MPP7: variants seen among roughly 807,000 people sequenced by gnomAD.
MPP7 encodes MAGUK p55 subfamily member 7.
MPP7 carries 60 observed loss-of-function variants against 76.5 expected under a neutral mutation model. The ratio of observed to expected loss-of-function variants is 0.78; its 90% CI spans 0.64 to 0.97. The LOEUF is 0.97. Among genes scored for constraint, MPP7 ranks in the 50% least tolerant of loss-of-function variants. The pLI is 0.00. For synonymous variants in MPP7, 237 were observed against 244.5 expected (o/e 0.97, Z 0.29); for missense variants, 641 against 694.0 (o/e 0.92, Z 0.86).
rs202183361 is a variant in MPP7, at chr10:28,074,408, A to T, written c.1124-4556T>A. Among the ~76,000 whole-genome samples the T allele has an allele frequency of 1.7e-4, 26 of 151,980 alleles. No homozygotes were observed. In the East Asian group the frequency reaches 5.0e-3, roughly 29 times the overall value. On this transcript the variant is annotated intron_variant, in intron 12 of 16. Transcript: ENST00000683449. ...CGCTTCCTGGGTTCAAGCAATTCTC[A>T]TGCCTCAGGCTCTTGAGTAGCTGGG...
chr10:28,321,479 T>C (rs1449930017), intron 2 of MPP7, among the ~76,000 whole-genome samples: 1 of 152,238 alleles, frequency 6.6e-6, no homozygotes, highest in African/African-American at 2.4e-5. Flanking sequence ...ATTTAGATGA[T>C]GAATAATTGG....
At chr10:28,316,465 A>C (rs1025388166) in intron 2 of MPP7, among the ~76,000 whole-genome samples, 4 of 135,442 alleles carry the variant, frequency 3.0e-5, no homozygotes, top group South Asian at 2.2e-4. Context: ...AAAAAAAAAA[A>C]AAAAAAACTA....
chr10:28,334,702 T>A (rs1039069512), upstream of MPP7, among the ~76,000 whole-genome samples: 2 of 152,220 alleles, frequency 1.3e-5, no homozygotes, highest in African/African-American at 4.8e-5. Flanking sequence ...TTTGTGAATA[T>A]CAATGTTTTA....
intron 1 of MPP7, among the ~76,000 whole-genome samples, chr10:28,296,406 A>AAC: frequency 6.6e-6 from 1 of 152,112 alleles, no homozygotes; most frequent in Non-Finnish European, 1.5e-5. Flanking sequence ...AACTGAAGTG[A>AAC]ACACACACAC....
intron 11 of MPP7, chr10:28,119,013 T>C: frequency 3.0e-6 from 3 of 985,340 alleles, no homozygotes; most frequent in Non-Finnish European, 2.4e-6. Flanking sequence ...GGATGCAGAC[T>C]TGAAGAGCTG....
At chr10:28,170,476 A>G (rs1836643744) in intron 3 of MPP7, among the ~76,000 whole-genome samples, 1 of 150,898 alleles carries the variant, frequency 6.6e-6, no homozygotes, top group South Asian at 2.1e-4. Context: ...AACTTCCTCT[A>G]TTTTCTTTAT....
chr10:28,192,697 TC>T, intron 3 of MPP7, among the ~76,000 whole-genome samples: 1 of 152,182 alleles, frequency 6.6e-6, no homozygotes, highest in East Asian at 1.9e-4. Flanking sequence ...TGTCATCTCT[TC>T]ACAAATGGAG....
intron 3 of MPP7, among the ~76,000 whole-genome samples, chr10:28,155,598 C>CAAGAAAAAAAAA (rs1836028400): frequency 1.6e-5 from 2 of 124,668 alleles, no homozygotes; most frequent in African/African-American, 6.6e-5. Flanking sequence ...ACCCTGTCTC[C>CAAGAAAAAAAAA]AAAAAAAAAA....
intron 3 of MPP7, among the ~76,000 whole-genome samples, chr10:28,200,635 G>A (rs142054354): frequency 6.6e-6 from 1 of 152,252 alleles, no homozygotes; most frequent in African/African-American, 2.4e-5. Context: ...TCTTTAGCGT[G>A]CTACGATAAT....
At chr10:28,108,081 G>C (rs1182201277) in intron 11 of MPP7, among the ~76,000 whole-genome samples, 1 of 152,172 alleles carries the variant, frequency 6.6e-6, no homozygotes, top group African/African-American at 2.4e-5. Flanking sequence ...GGCAGCAATT[G>C]TAAAAGACAC....
At chr10:28,156,980 C>A (rs948010876) in intron 3 of MPP7, among the ~76,000 whole-genome samples, 6 of 152,030 alleles carry the variant, frequency 3.9e-5, no homozygotes, top group Non-Finnish European at 7.4e-5. Context: ...GAGGCCGAGG[C>A]AAGAGGATCA....
At position 28,135,638 on chromosome 10, in the gene MPP7, T is replaced by G. The variant is rs149940621; in HGVS notation, c.316-3947A>C. 2.3e-4 allele frequency among the ~76,000 whole-genome samples: 35 copies of G among 152,278 alleles called. No homozygotes were observed. In the East Asian group the frequency reaches 6.2e-3, roughly 27 times the overall value. On this transcript the variant is annotated intron_variant, in intron 5 of 16. Transcript: ENST00000683449. Reference sequence around the variant, plus strand: ...TGAAGTTTGCATAGGGCAGAAATAGTTCTTGTTCTCATCAGTTAGCAGGAA... The same window carrying G: ...TGAAGTTTGCATAGGGCAGAAATAGGTCTTGTTCTCATCAGTTAGCAGGAA...
chr10:28,199,285 A>G (rs1205049603), intron 3 of MPP7, among the ~76,000 whole-genome samples: 4 of 152,184 alleles, frequency 2.6e-5, no homozygotes, highest in African/African-American at 9.7e-5. Context: ...AACCATATCA[A>G]TATGAGACTT....
chr10:28,091,267 C>G (rs72801897), intron 11 of MPP7, among the ~76,000 whole-genome samples: 7,824 of 151,182 alleles, frequency 0.052, 241 homozygotes, highest in Middle Eastern at 0.11. Flanking sequence ...GAATATTCAT[C>G]AACTTTGATA....
At chr10:28,260,740 C>T (rs925511773) in intron 1 of MPP7, among the ~76,000 whole-genome samples, 1 of 142,554 alleles carries the variant, frequency 7.0e-6, no homozygotes. Context: ...CTGCTGCACT[C>T]CAGCTTGGGT....
At chr10:28,262,247 ATATATATATATG>A (rs1840005482) in intron 1 of MPP7, among the ~76,000 whole-genome samples, 1 of 61,066 alleles carries the variant, frequency 1.6e-5, no homozygotes. Flanking sequence ...ATATATACAT[ATATATATATATG>A]TATATATATA....
intron 13 of MPP7, among the ~76,000 whole-genome samples, chr10:28,068,224 C>T (rs1255290181): frequency 2.6e-5 from 4 of 152,030 alleles, no homozygotes. Flanking sequence ...TCTAGTTCCA[C>T]ATTTTCATTA....
At chr10:28,322,510 A>T (rs2133185044) in intron 2 of MPP7, among the ~76,000 whole-genome samples, 1 of 152,344 alleles carries the variant, frequency 6.6e-6, no homozygotes, top group South Asian at 2.1e-4. Flanking sequence ...GCCAGGCCCC[A>T]ACCTTTCTCT....
At chr10:28,204,437 C>T (rs987367941) in intron 2 of MPP7, among the ~76,000 whole-genome samples, 70 of 112,848 alleles carry the variant, frequency 6.2e-4, no homozygotes, top group Non-Finnish European at 9.2e-4. Flanking sequence ...AGTGAAACTC[C>T]GTCTCAAAAA....
Sources: gnomAD v4.1 joint callset for allele counts (sites outside exome capture counted in the v4.1 genomes callset) on GRCh38, gnomAD v4.1.1 for gene constraint, MANE v1.5 for transcripts, NCBI Gene and HGNC (gene_info 2026-07-23, HGNC 2026-07-21) for gene names.